The following CNTNAP5 variants were observed in gnomAD, a reference collection of about 807,000 sequenced individuals.
CNTNAP5 encodes contactin associated protein family member 5.
In CNTNAP5, 72 loss-of-function variants were observed where a neutral mutation model predicts 150.2. That is an observed-to-expected ratio of 0.48 (90% CI 0.40 to 0.58). The LOEUF (loss-of-function observed/expected upper bound fraction) is 0.58. Ranked by LOEUF, CNTNAP5 falls within the 20% of genes least tolerant of loss-of-function variation. The pLI is 0.00. For missense variants in CNTNAP5, 1,636 were observed against 1,626.2 expected (o/e 1.01, Z -0.10); for synonymous variants, 672 against 619.8 (o/e 1.08, Z -1.25).
intron 3 of CNTNAP5, among the ~76,000 whole-genome samples, chr2:124,379,643 G>A (rs1265959929): frequency 6.6e-6 from 1 of 152,038 alleles, no homozygotes; most frequent in Non-Finnish European, 1.5e-5. Context: ...GTGTGGACAT[G>A]AGTTTTCCAC....
chr2:124,074,050 A>T (rs574274070), intron 1 of CNTNAP5, among the ~76,000 whole-genome samples: 1 of 152,150 alleles, frequency 6.6e-6, no homozygotes, highest in Non-Finnish European at 1.5e-5. Context: ...TATGGATAGA[A>T]CTGAAAGTCA....
At chr2:124,855,507 C>T (rs548535503) in intron 19 of CNTNAP5, among the ~76,000 whole-genome samples, 2 of 151,612 alleles carry the variant, frequency 1.3e-5, no homozygotes, top group Non-Finnish European at 2.9e-5. Flanking sequence ...AGTCATATGG[C>T]CACATATGTG....
At chr2:124,863,672 T>C (rs140514080) in intron 19 of CNTNAP5, among the ~76,000 whole-genome samples, 1 of 152,116 alleles carries the variant, frequency 6.6e-6, no homozygotes, top group Non-Finnish European at 1.5e-5. Flanking sequence ...CTCTGCCCTC[T>C]CCCCGCAAAA....
At chr2:124,117,597 A>G (rs1332484492) in intron 1 of CNTNAP5, among the ~76,000 whole-genome samples, 1 of 152,216 alleles carries the variant, frequency 6.6e-6, no homozygotes, top group Non-Finnish European at 1.5e-5. Flanking sequence ...AGTACTTAAC[A>G]CTGTATTTTC....
At chr2:124,423,097 A>T (rs2104783175) in intron 4 of CNTNAP5, among the ~76,000 whole-genome samples, 1 of 152,302 alleles carries the variant, frequency 6.6e-6, no homozygotes, top group African/African-American at 2.4e-5. Flanking sequence ...AAACCAACAG[A>T]CATAGAAACT....
chr2:124,280,313 G>A lies in CNTNAP5; in HGVS notation c.381+37920G>A, dbSNP rs558327510. Among the ~76,000 whole-genome samples, 23 of 151,894 alleles carry A rather than the reference G, an allele frequency of 1.5e-4. 1 individual carries two copies. The South Asian group carries it at 3.1e-3, about 21-fold the overall frequency. On this transcript the variant is annotated intron_variant, in intron 3 of 23. Coordinates refer to ENST00000682447, the MANE Select transcript of CNTNAP5 (RefSeq NM_001367498.1). Reference sequence around the variant, plus strand: ...CTCCTGAGTAGCTGAGATTACAGGCGCCCATCACCATGCCCAGATAATTTT... The same window carrying A: ...CTCCTGAGTAGCTGAGATTACAGGCACCCATCACCATGCCCAGATAATTTT...
intron 5 of CNTNAP5, among the ~76,000 whole-genome samples, chr2:124,441,322 A>C (rs1692668025): frequency 6.6e-6 from 1 of 152,038 alleles, no homozygotes; most frequent in Admixed American, 6.6e-5. Flanking sequence ...TGTGTTTTTA[A>C]TGAAGTTTAT....
rs993689069 is a variant in CNTNAP5, at chr2:124,789,909, G to A, written c.2760G>A (p.Thr920=). 9 of 1,612,986 alleles carry A rather than the reference G, an allele frequency of 5.6e-6. No homozygotes were observed. The highest frequency in any genetic ancestry group is 5.3e-5 in the African/African-American group (4 of 74,888). The change falls in exon 18 of 24, where the codon ACG becomes ACA. Residue 920 remains threonine, a synonymous_variant. Coordinates refer to ENST00000682447, the MANE Select transcript of CNTNAP5 (RefSeq NM_001367498.1). ...QLNSQLFVGG[T]SSRQKGFLGC... The stretch of plus-strand genomic sequence containing the variant: ...TTTTATTTAACCTCTTAGGGGGAAC[G>A]TCATCCAGACAGAAAGGCTTCCTAG...
chr2:124,918,351 A>G lies in CNTNAP5; in HGVS notation c.*4063A>G, dbSNP rs1678808852. Among the ~76,000 whole-genome samples the G allele has an allele frequency of 6.6e-6, 1 of 152,056 alleles. No individual in the cohort carries two copies. On this transcript the variant is annotated 3_prime_UTR_variant, in exon 24 of 24. Transcript: ENST00000682447. Reference sequence around the variant, plus strand: ...GACTCTACATAACATTTCTGAACCTAACTGAAGTCTACCCTTCCATCAGTA... The same window carrying G: ...GACTCTACATAACATTTCTGAACCTGACTGAAGTCTACCCTTCCATCAGTA...
Position 124,423,652 on chromosome 2 carries a change from C to CTTTTTTTTTTTTTTT in CNTNAP5, c.529+6078_529+6092dup, listed in dbSNP as rs1187961580. Reference sequence around the variant, plus strand: ...TGAGCCACTGCGCCCGGCTAATTAACTTTTTTTTTTTTTTTTTTTTTTTTT... The same window carrying CTTTTTTTTTTTTTTT: ...TGAGCCACTGCGCCCGGCTAATTAACTTTTTTTTTTTTTTTTTTTTTTTTTTTTTTTTTTTTTTTT... On this transcript the variant is annotated intron_variant, in intron 4 of 23. Transcript: ENST00000682447. Among the ~76,000 whole-genome samples the CTTTTTTTTTTTTTTT allele has an allele frequency of 4.8e-5, 2 of 41,586 alleles. 1 individual carries two copies. The highest frequency in any genetic ancestry group is 7.9e-5 in the Non-Finnish European group (2 of 25,416). 27.3% of individuals were successfully genotyped at this position (41,586 alleles called of 152,430 possible).
intron 3 of CNTNAP5, among the ~76,000 whole-genome samples, chr2:124,248,912 T>C (rs1687097346): frequency 6.6e-6 from 1 of 152,204 alleles, no homozygotes; most frequent in Non-Finnish European, 1.5e-5. Context: ...TGCTTAAAAT[T>C]AATTCTCCTA....
chr2:124,246,898 C>T (rs1288009742), intron 3 of CNTNAP5, among the ~76,000 whole-genome samples: 1 of 152,214 alleles, frequency 6.6e-6, no homozygotes, highest in Admixed American at 6.5e-5. Context: ...TGTTGCCTCT[C>T]CCCAAACAGA....
intron 18 of CNTNAP5, among the ~76,000 whole-genome samples, chr2:124,791,641 G>A (rs916244946): frequency 4.6e-5 from 7 of 151,164 alleles, no homozygotes; most frequent in South Asian, 4.2e-4. Flanking sequence ...TTTCTCTGGG[G>A]ACATTATTCA....
intron 1 of CNTNAP5, among the ~76,000 whole-genome samples, chr2:124,081,942 A>C (rs1167813828): frequency 6.6e-6 from 1 of 152,222 alleles, no homozygotes; most frequent in African/African-American, 2.4e-5. Context: ...ATATCAATAC[A>C]AAATCCCCTA....
intron 16 of CNTNAP5, among the ~76,000 whole-genome samples, chr2:124,766,788 A>C (rs771247776): frequency 3.3e-5 from 5 of 152,176 alleles, no homozygotes; most frequent in Non-Finnish European, 7.4e-5. Flanking sequence ...ATTTAGTGTT[A>C]ATTACGTATC....
At chr2:124,713,257 CT>C (rs748783433) in intron 13 of CNTNAP5, among the ~76,000 whole-genome samples, 31 of 100,992 alleles carry the variant, frequency 3.1e-4, no homozygotes, top group Admixed American at 5.3e-4. Flanking sequence ...TTCTTTCTTT[CT>C]TTCTTTCTTT....
At chr2:124,567,395 A>G (rs1696048934) in intron 11 of CNTNAP5, among the ~76,000 whole-genome samples, 2 of 152,192 alleles carry the variant, frequency 1.3e-5, no homozygotes, top group South Asian at 4.1e-4. Flanking sequence ...ATTCAAAACT[A>G]CCTTTTTAAG....
intron 16 of CNTNAP5, among the ~76,000 whole-genome samples, chr2:124,768,974 A>G (rs1476422076): frequency 6.6e-6 from 1 of 152,144 alleles, no homozygotes; most frequent in Non-Finnish European, 1.5e-5. Flanking sequence ...CATTTTACAC[A>G]TGGACACGTA....
intron 3 of CNTNAP5, among the ~76,000 whole-genome samples, chr2:124,339,462 T>C (rs911143566): frequency 3.1e-4 from 47 of 152,260 alleles, no homozygotes; most frequent in African/African-American, 1.1e-3. Flanking sequence ...TGGAGTGTAA[T>C]ATCACAGAAT....
Sources: gnomAD v4.1 joint callset for allele counts (sites outside exome capture counted in the v4.1 genomes callset) on GRCh38, gnomAD v4.1.1 for gene constraint, MANE v1.5 for transcripts, NCBI Gene and HGNC (gene_info 2026-07-23, HGNC 2026-07-21) for gene names.